GALNT11: variants seen among roughly 807,000 people sequenced by gnomAD.
The protein encoded by GALNT11 is polypeptide N-acetylgalactosaminyltransferase 11.
A neutral mutation model predicts 72.7 loss-of-function variants in GALNT11; 47 were observed. That is an observed-to-expected ratio of 0.65 (90% CI 0.51 to 0.82). GALNT11 has a LOEUF of 0.82. Ranked by LOEUF, GALNT11 falls within the 40% of genes least tolerant of loss-of-function variation. The pLI, the probability that GALNT11 is intolerant of heterozygous loss-of-function variation, is 0.00. For missense variants in GALNT11, 677 were observed against 778.4 expected, an observed-to-expected ratio of 0.87 and a Z score of 1.55; for synonymous variants, 270 against 286.6, an observed-to-expected ratio of 0.94 and a Z score of 0.58.
chr7:152,051,791 T>G (rs563895163), intron 1 of GALNT11, among the ~76,000 whole-genome samples: 1 of 152,314 alleles, frequency 6.6e-6, no homozygotes, highest in African/African-American at 2.4e-5. Context: ...CACTCGAACT[T>G]TTCAAGTTAA....
chr7:152,076,584 A>T (rs2084994994), intron 1 of GALNT11, among the ~76,000 whole-genome samples: 1 of 152,186 alleles, frequency 6.6e-6, no homozygotes, highest in Non-Finnish European at 1.5e-5. Context: ...GATTTAAGGA[A>T]GCTGGAGTCT....
intron 2 of GALNT11, among the ~76,000 whole-genome samples, chr7:152,095,116 G>C (rs2086288330): frequency 6.6e-6 from 1 of 152,086 alleles, no homozygotes; most frequent in Non-Finnish European, 1.5e-5. Context: ...CACTTAACAA[G>C]AATTACTAAG....
intron 1 of GALNT11, among the ~76,000 whole-genome samples, chr7:152,028,680 C>T (rs550144297): frequency 6.6e-6 from 1 of 151,562 alleles, no homozygotes; most frequent in Non-Finnish European, 1.5e-5. Context: ...CCTCTCAATC[C>T]CCCCCCTCTA....
chr7:152,079,631 T>C (rs554898396), intron 1 of GALNT11, among the ~76,000 whole-genome samples: 5 of 152,212 alleles, frequency 3.3e-5, no homozygotes, highest in Non-Finnish European at 7.3e-5. Context: ...TGTCTGGAAT[T>C]TGCTCTGAAC....
chr7:152,110,655 T>A lies in GALNT11; in HGVS notation c.1080+10T>A. 6.6e-7 allele frequency: 1 copy of A among 1,521,764 alleles called. No homozygotes were observed. Among genetic ancestry groups the A allele is most frequent in the Non-Finnish European group, 9.1e-7 (1 of 1,099,666 alleles). The allele number at this position is 1,521,764 out of a possible 1,614,324, so 94.3% of individuals were successfully genotyped here. A position where few individuals can be genotyped will look rare whatever the true frequency, so the allele number is the denominator to read the frequency against. Reference sequence around the variant, plus strand: ...GGAAATATCATTTCGGGTAATTTAATTTTTGCATGCTCAATTAATAACTGT... The same window carrying A: ...GGAAATATCATTTCGGGTAATTTAAATTTTGCATGCTCAATTAATAACTGT... On this transcript the variant is annotated intron_variant, in intron 7 of 11. Transcript: ENST00000430044.
At chr7:152,028,153 G>A (rs938356283) in intron 1 of GALNT11, among the ~76,000 whole-genome samples, 2 of 152,216 alleles carry the variant, frequency 1.3e-5, no homozygotes, top group Non-Finnish European at 2.9e-5. Flanking sequence ...TCCACAGCAT[G>A]GAAGGGGACC....
intron 1 of GALNT11, among the ~76,000 whole-genome samples, chr7:152,085,671 A>G (rs2085597441): frequency 6.6e-6 from 1 of 152,008 alleles, no homozygotes; most frequent in South Asian, 2.1e-4. Flanking sequence ...TTATTGAATA[A>G]TAGACATCTG....
At chr7:152,102,453 A>G (rs779898618) in intron 3 of GALNT11, among the ~76,000 whole-genome samples, 2 of 151,950 alleles carry the variant, frequency 1.3e-5, no homozygotes, top group African/African-American at 2.4e-5. Context: ...GAGGCAGGAG[A>G]ATCGCTTGAA....
At chr7:152,066,618 A>G (rs772109658) in intron 1 of GALNT11, among the ~76,000 whole-genome samples, 3 of 152,224 alleles carry the variant, frequency 2.0e-5, no homozygotes, top group Non-Finnish European at 4.4e-5. Context: ...TTAAAGTGAG[A>G]GATGTGTGAC....
chr7:152,045,200 G>A (rs1255021003), intron 1 of GALNT11, among the ~76,000 whole-genome samples: 2 of 151,978 alleles, frequency 1.3e-5, no homozygotes, highest in African/African-American at 4.8e-5. Flanking sequence ...ATTTTGTTGA[G>A]GATTTTTTTT....
At chr7:152,087,723 C>A (rs1267423238) in intron 1 of GALNT11, among the ~76,000 whole-genome samples, 1 of 152,164 alleles carries the variant, frequency 6.6e-6, no homozygotes, top group Non-Finnish European at 1.5e-5. Flanking sequence ...AAATGCAAGC[C>A]ACAGTCCTTG....
At position 152,048,177 on chromosome 7, in the gene GALNT11, A is replaced by G. The variant is rs558832671; in HGVS notation, c.-39+22293A>G. Among the ~76,000 whole-genome samples, 5 of 152,158 alleles carry G rather than the reference A, an allele frequency of 3.3e-5. 1 individual carries two copies. The highest frequency in any genetic ancestry group is 9.7e-5 in the African/African-American group (4 of 41,432). On this transcript the variant is annotated intron_variant, in intron 1 of 11. Coordinates refer to ENST00000430044, the MANE Select transcript of GALNT11 (RefSeq NM_022087.4). ...TTTGAAGAATATTTTTGCGGGATATAGTATTCTAAGATAAAAGTTTTTTCC... is the reference window on the plus strand; with the variant it reads ...TTTGAAGAATATTTTTGCGGGATATGGTATTCTAAGATAAAAGTTTTTTCC...
chr7:152,072,466 G>A (rs974395110), intron 1 of GALNT11, among the ~76,000 whole-genome samples: 26 of 152,064 alleles, frequency 1.7e-4, no homozygotes, highest in Non-Finnish European at 1.3e-4. Context: ...ATAACTCTCT[G>A]TTAAGCCTTA....
chr7:152,089,135 G>T (rs2085838802), intron 1 of GALNT11, among the ~76,000 whole-genome samples: 1 of 152,096 alleles, frequency 6.6e-6, no homozygotes, highest in African/African-American at 2.4e-5. Flanking sequence ...AGTTTGGTGG[G>T]CAGGGGGCTA....
intron 1 of GALNT11, among the ~76,000 whole-genome samples, chr7:152,033,768 G>A (rs926961104): frequency 6.6e-6 from 1 of 152,214 alleles, no homozygotes; most frequent in African/African-American, 2.4e-5. Context: ...CAAGGTCCCA[G>A]TGGGGATCCA....
intron 1 of GALNT11, among the ~76,000 whole-genome samples, chr7:152,057,994 T>C (rs2083782007): frequency 6.6e-6 from 1 of 152,170 alleles, no homozygotes; most frequent in Non-Finnish European, 1.5e-5. Context: ...CTGACAGTTT[T>C]GAGAAATACA....
At chr7:152,099,756 CTTTTTT>C (rs959548417) in intron 2 of GALNT11, among the ~76,000 whole-genome samples, 3 of 88,728 alleles carry the variant, frequency 3.4e-5, no homozygotes, top group Non-Finnish European at 2.2e-5. Flanking sequence ...AACTGTGAAG[CTTTTTT>C]TTTTTTTTTT....
chr7:152,076,359 T>G (rs2084977298), intron 1 of GALNT11, among the ~76,000 whole-genome samples: 1 of 152,222 alleles, frequency 6.6e-6, no homozygotes, highest in Non-Finnish European at 1.5e-5. Flanking sequence ...GATAGAAATC[T>G]GAATCCAAGT....
chr7:152,116,190 AC>A (rs1292733338), intron 8 of GALNT11, among the ~76,000 whole-genome samples: 1 of 152,236 alleles, frequency 6.6e-6, no homozygotes, highest in Non-Finnish European at 1.5e-5. Flanking sequence ...CCACACTGTT[AC>A]AAAAACGGGT....
Sources: allele counts gnomAD v4.1 joint callset (sites outside exome capture counted in the v4.1 genomes callset), GRCh38; gene constraint gnomAD v4.1.1; transcripts MANE v1.5; gene names NCBI Gene and HGNC (gene_info 2026-07-23, HGNC 2026-07-21).